The following PHF24 variants were observed in gnomAD, a reference collection of about 807,000 sequenced individuals.
PHF24 encodes the protein Galpha inhibitory interacting protein.
A neutral mutation model predicts 42.6 loss-of-function variants in PHF24; 25 were observed. That is an observed-to-expected ratio of 0.59 (90% CI 0.43 to 0.82). The LOEUF (loss-of-function observed/expected upper bound fraction) is 0.82, where lower values mean the gene tolerates loss of function less well. Among genes scored for constraint, PHF24 ranks in the 40% least tolerant of loss-of-function variants. PHF24 has a pLI of 0.00. For missense variants in PHF24, 470 were observed against 538.1 expected (o/e 0.87, Z 1.25); for synonymous variants, 185 against 204.8 (o/e 0.90, Z 0.83).
At chr9:34,927,661 A>C in the PHF24 span, among the ~76,000 whole-genome samples, 4 of 152,102 alleles carry the variant, frequency 2.6e-5, no homozygotes, top group African/African-American at 9.7e-5. Flanking sequence ...GGGCACATCC[A>C]ATCCAGGTGG....
the PHF24 span, among the ~76,000 whole-genome samples, chr9:34,694,032 A>C: frequency 2.6e-5 from 4 of 151,848 alleles, no homozygotes; most frequent in Non-Finnish European, 5.9e-5. Context: ...CTACTCAGCT[A>C]CTCAGGAGGC....
At chr9:34,827,555 C>CCTT in the PHF24 span, among the ~76,000 whole-genome samples, 8 of 150,672 alleles carry the variant, frequency 5.3e-5, no homozygotes, top group Non-Finnish European at 1.2e-4. Flanking sequence ...ACTGCCACCT[C>CCTT]CTCCTCATGA....
At chr9:34,841,457 CCA>C in the PHF24 span, among the ~76,000 whole-genome samples, 1 of 152,116 alleles carries the variant, frequency 6.6e-6, no homozygotes, top group Non-Finnish European at 1.5e-5. Context: ...TGAGTATATA[CCA>C]CAGTTTCATT....
At chr9:34,785,159 G>A in the PHF24 span, among the ~76,000 whole-genome samples, 1 of 152,158 alleles carries the variant, frequency 6.6e-6, no homozygotes, top group African/African-American at 2.4e-5. Flanking sequence ...CTGTTTGGCG[G>A]TGTTTGTTGT....
chr9:34,815,384 G>A, the PHF24 span, among the ~76,000 whole-genome samples: 82,212 of 152,046 alleles, frequency 0.54, 23,130 homozygotes, highest in Non-Finnish European at 0.62. Flanking sequence ...GTGCAGTGGC[G>A]CTATCTTGGC....
the PHF24 span, among the ~76,000 whole-genome samples, chr9:34,912,934 T>A: frequency 6.6e-6 from 1 of 152,110 alleles, no homozygotes; most frequent in African/African-American, 2.4e-5. Flanking sequence ...TTCCAGAAGG[T>A]AAAAGTAAAC....
chr9:34,965,312 G>T (rs1826730309), intron 1 of PHF24, among the ~76,000 whole-genome samples: 1 of 152,194 alleles, frequency 6.6e-6, no homozygotes, highest in Non-Finnish European at 1.5e-5. Flanking sequence ...ATTCTGTTGT[G>T]TCTTCACAGT....
chr9:34,726,849 C>G, the PHF24 span: 3 of 1,551,780 alleles, frequency 1.9e-6, no homozygotes, highest in Non-Finnish European at 2.6e-6. Flanking sequence ...TGCAATGGCC[C>G]CGATAAAGTC....
At chr9:34,749,278 A>G in the PHF24 span, among the ~76,000 whole-genome samples, 5 of 152,208 alleles carry the variant, frequency 3.3e-5, no homozygotes, top group African/African-American at 9.6e-5. Flanking sequence ...AGAGAGATAC[A>G]TATAGAAGTT....
chr9:34,761,965 C>T, the PHF24 span, among the ~76,000 whole-genome samples: 5 of 151,796 alleles, frequency 3.3e-5, no homozygotes, highest in Admixed American at 2.6e-4. Context: ...TTTGTTCTTG[C>T]GATAGTTTAC....
chr9:34,936,888 A>G, the PHF24 span, among the ~76,000 whole-genome samples: 4 of 132,250 alleles, frequency 3.0e-5, no homozygotes, highest in Non-Finnish European at 4.9e-5. Context: ...GCCCCGTCTG[A>G]GAAGTGAGGA....
the PHF24 span, among the ~76,000 whole-genome samples, chr9:34,873,206 T>G: frequency 2.4e-4 from 37 of 151,992 alleles, no homozygotes; most frequent in Admixed American, 1.6e-3. Context: ...CTCTTTAGTT[T>G]AATTAGATCC....
chr9:34,845,137 C>A, the PHF24 span, among the ~76,000 whole-genome samples: 4 of 152,130 alleles, frequency 2.6e-5, no homozygotes, highest in African/African-American at 9.6e-5. Context: ...CTGAGTATAG[C>A]TACCCTTCCT....
At chr9:34,672,313 G>A in the PHF24 span, among the ~76,000 whole-genome samples, 1 of 152,016 alleles carries the variant, frequency 6.6e-6, no homozygotes, top group South Asian at 2.1e-4. Flanking sequence ...AGCTTTCTAT[G>A]AGATTTGATG....
At chr9:34,811,726 G>A in the PHF24 span, among the ~76,000 whole-genome samples, 321 of 152,228 alleles carry the variant, frequency 2.1e-3, 1 homozygote, top group African/African-American at 7.4e-3. Context: ...AATATTTATC[G>A]CCTTGGATTT....
the PHF24 span, among the ~76,000 whole-genome samples, chr9:34,867,946 C>G: frequency 6.6e-6 from 1 of 152,126 alleles, no homozygotes; most frequent in Admixed American, 6.5e-5. Flanking sequence ...ACTTGTGCCC[C>G]GCCACAAGTC....
At chr9:34,922,948 C>A in the PHF24 span, 1 of 1,376,194 alleles carries the variant, frequency 7.3e-7, no homozygotes. Flanking sequence ...AGTGGTCTCA[C>A]CTTGTGTCGG....
the PHF24 span, among the ~76,000 whole-genome samples, chr9:34,840,233 C>T: frequency 3.3e-5 from 5 of 152,094 alleles, no homozygotes; most frequent in African/African-American, 1.2e-4. Flanking sequence ...ATATAACATA[C>T]TGTCTCCTCA....
the PHF24 span, among the ~76,000 whole-genome samples, chr9:34,933,553 T>C: frequency 6.6e-6 from 1 of 151,652 alleles, no homozygotes; most frequent in Non-Finnish European, 1.5e-5. Flanking sequence ...TGAAACCCTG[T>C]CTCTACTAAA....
Sources: allele counts gnomAD v4.1 joint callset (sites outside exome capture counted in the v4.1 genomes callset), GRCh38; gene constraint gnomAD v4.1.1; transcripts MANE v1.5; gene names NCBI Gene and HGNC (gene_info 2026-07-23, HGNC 2026-07-21).